ATAD2B: variants seen among roughly 807,000 people sequenced by gnomAD.
The protein encoded by ATAD2B is ATPase family AAA domain-containing protein 2B.
A neutral mutation model predicts 167.6 loss-of-function variants in ATAD2B; 40 were observed. The ratio of observed to expected loss-of-function variants is 0.24; its 90% confidence interval spans 0.19 to 0.31. The LOEUF (loss-of-function observed/expected upper bound fraction) is 0.31, where lower values mean the gene tolerates loss of function less well. ATAD2B is among the 10% of genes least tolerant of loss of function. The probability of loss-of-function intolerance (pLI) is 1.00; values close to 1 mark genes in which losing one functional copy is unlikely to be tolerated. For missense variants in ATAD2B, 1,242 were observed against 1,757.2 expected (o/e 0.71, Z 5.24); for synonymous variants, 579 against 596.5 (o/e 0.97, Z 0.43).
intron 2 of ATAD2B, 102 bp downstream of exon 2, chr2:23,895,717 C>A (rs1279823351): frequency 1.3e-6 from 1 of 748,552 alleles, no homozygotes; most frequent in Admixed American, 3.5e-5. Flanking sequence ...TAAGTATTTA[C>A]AAGATACTTA....
At chr2:23,823,621 C>T in intron 15 of ATAD2B, 52 bp from the exon 16 acceptor site, 2 of 1,489,750 alleles carry the variant, frequency 1.3e-6, no homozygotes, top group Admixed American at 3.5e-5. Flanking sequence ...ATTCCATGCA[C>T]CAACTATGTT....
the ATAD2B span, among the ~76,000 whole-genome samples, chr2:23,720,355 G>T: frequency 1.3e-5 from 2 of 152,010 alleles, no homozygotes; most frequent in Non-Finnish European, 2.9e-5. Context: ...GAGTGGATCA[G>T]TTGAGGTCAG....
chr2:23,903,123 C>G (rs942098517), intron 1 of ATAD2B, among the ~76,000 whole-genome samples: 13 of 151,914 alleles, frequency 8.6e-5, no homozygotes, highest in Admixed American at 3.9e-4. Context: ...GCAGTCCCAG[C>G]TACTTGGGAG....
At chr2:23,909,101 T>C (rs2150511190) in intron 1 of ATAD2B, among the ~76,000 whole-genome samples, 1 of 149,356 alleles carries the variant, frequency 6.7e-6, no homozygotes, top group Middle Eastern at 3.4e-3. Flanking sequence ...CTGCACATTG[T>C]GCACATGTAC....
intron 17 of ATAD2B, among the ~76,000 whole-genome samples, chr2:23,816,276 GAC>G (rs745411206): frequency 6.6e-6 from 1 of 152,144 alleles, no homozygotes; most frequent in African/African-American, 2.4e-5. Flanking sequence ...TACACTCTTT[GAC>G]ACAGCAATTG....
rs537564741 is a variant in ATAD2B at position 23,782,969 on chromosome 2, T to C, written c.3033A>G (p.Lys1011=). The C allele has an allele frequency of 1.3e-5, 20 of 1,592,646 alleles. No individual in the cohort carries two copies. The East Asian group carries it at 3.8e-4, about 30-fold the overall frequency. The change falls in exon 22 of 28, where the codon AAA becomes AAG. Residue 1011 remains lysine, a synonymous_variant. Coordinates refer to ENST00000238789, the MANE Select transcript of ATAD2B (RefSeq NM_017552.4). ...EPMDLSTVIT[K]IDKHNYLTAK... Reference sequence around the variant, plus strand: ...CAGTCAGGTAATTATGTTTATCAATTTTAGTTATTACTGTTGATAAGTCCA... The same window carrying C: ...CAGTCAGGTAATTATGTTTATCAATCTTAGTTATTACTGTTGATAAGTCCA...
At chr2:23,716,123 A>C in the ATAD2B span, among the ~76,000 whole-genome samples, 1 of 152,250 alleles carries the variant, frequency 6.6e-6, no homozygotes, top group Admixed American at 6.5e-5. Context: ...GAGTAACCAT[A>C]CACAATGTTT....
At chr2:23,797,567 C>G (rs1323045836) in intron 19 of ATAD2B, among the ~76,000 whole-genome samples, 1 of 152,020 alleles carries the variant, frequency 6.6e-6, no homozygotes. Context: ...CTGAGTATCC[C>G]TTTTCCAAAA....
At chr2:23,692,819 C>T in the ATAD2B span, among the ~76,000 whole-genome samples, 1 of 152,132 alleles carries the variant, frequency 6.6e-6, no homozygotes, top group Non-Finnish European at 1.5e-5. Flanking sequence ...GAAGCCTATG[C>T]AAGAAGCTGG....
chr2:23,840,061 G>A (rs1229068007), intron 13 of ATAD2B, among the ~76,000 whole-genome samples: 2 of 152,068 alleles, frequency 1.3e-5, no homozygotes, highest in Non-Finnish European at 2.9e-5. Context: ...TTTGATAATA[G>A]TTTATTCTTT....
At chr2:23,812,697 A>G (rs766863618) in intron 17 of ATAD2B, among the ~76,000 whole-genome samples, 1 of 152,126 alleles carries the variant, frequency 6.6e-6, no homozygotes, top group Non-Finnish European at 1.5e-5. Context: ...CCCCGTCTCT[A>G]CTAAAAATAC....
At chr2:23,926,110 T>C (rs990923692) in intron 1 of ATAD2B, among the ~76,000 whole-genome samples, 5 of 152,158 alleles carry the variant, frequency 3.3e-5, no homozygotes, top group African/African-American at 9.7e-5. Context: ...ACCCCCAAAC[T>C]GAGAGTAAGC....
intron 1 of ATAD2B, among the ~76,000 whole-genome samples, chr2:23,899,197 A>C (rs1700492252): frequency 6.6e-6 from 1 of 151,656 alleles, no homozygotes. Context: ...CAGTGGTCCC[A>C]GCTACTCAGC....
At chr2:23,756,197 TTCTG>T (rs772866990) in intron 25 of ATAD2B, among the ~76,000 whole-genome samples, 21 of 152,186 alleles carry the variant, frequency 1.4e-4, no homozygotes, top group Non-Finnish European at 1.9e-4. Context: ...ATTTTTAAAG[TTCTG>T]TCTATCTGAT....
At chr2:23,796,783 A>C (rs1682692517) in intron 19 of ATAD2B, among the ~76,000 whole-genome samples, 1 of 152,154 alleles carries the variant, frequency 6.6e-6, no homozygotes, top group Non-Finnish European at 1.5e-5. Flanking sequence ...CCATGGTTTC[A>C]AAAGAAATTC....
At chr2:23,854,616 T>C (rs1162661582) in intron 13 of ATAD2B, among the ~76,000 whole-genome samples, 1 of 150,226 alleles carries the variant, frequency 6.7e-6, no homozygotes, top group African/African-American at 2.5e-5. Context: ...AGGCGGCGGT[T>C]GCAGTGAGCC....
intron 18 of ATAD2B, among the ~76,000 whole-genome samples, chr2:23,809,774 T>C (rs1685266850): frequency 6.6e-6 from 1 of 152,154 alleles, no homozygotes; most frequent in Non-Finnish European, 1.5e-5. Flanking sequence ...TGGTTATATA[T>C]AACAACCTCA....
the ATAD2B span, chr2:23,703,759 T>C: frequency 1.3e-6 from 2 of 1,537,294 alleles, no homozygotes; most frequent in Non-Finnish European, 8.7e-7. Context: ...ATGGCTTCGT[T>C]TTCATCCTGG....
chr2:23,881,007 T>G (rs189178485), intron 6 of ATAD2B, among the ~76,000 whole-genome samples: 1 of 152,336 alleles, frequency 6.6e-6, no homozygotes, highest in East Asian at 1.9e-4. Flanking sequence ...TTTTATCTCT[T>G]GATTTACTTA....
Sources: gnomAD v4.1 joint callset for allele counts (sites outside exome capture counted in the v4.1 genomes callset) on GRCh38, gnomAD v4.1.1 for gene constraint, MANE v1.5 for transcripts, NCBI Gene and HGNC (gene_info 2026-07-23, HGNC 2026-07-21) for gene names.